The following XPA variants were observed in gnomAD, a reference collection of about 807,000 sequenced individuals.
XPA encodes XPA, DNA damage recognition and repair factor, also known as DNA repair protein complementing XP-A cells.
Under a neutral mutation model 35.7 loss-of-function variants are expected in XPA, and 27 were observed. The observed-to-expected ratio is 0.76, with a 90% CI of 0.56 to 1.04. XPA has a LOEUF of 1.04. Among genes scored for constraint, XPA ranks in the 50% least tolerant of loss-of-function variants. XPA has a pLI of 0.00. For missense variants in XPA, 354 were observed against 342.7 expected, an observed-to-expected ratio of 1.03 and a Z score of -0.26; for synonymous variants, 133 against 118.4, an observed-to-expected ratio of 1.12 and a Z score of -0.80.
chr9:97,668,661 C>CA, the XPA span, among the ~76,000 whole-genome samples: 3 of 151,976 alleles, frequency 2.0e-5, no homozygotes, highest in South Asian at 6.2e-4. Context: ...AATGAGAAGA[C>CA]AGTGTCTCTG....
At chr9:97,686,391 GCT>G (rs371525789) in intron 4 of XPA, among the ~76,000 whole-genome samples, 21 of 152,310 alleles carry the variant, frequency 1.4e-4, no homozygotes, top group South Asian at 2.1e-4. Flanking sequence ...GAGACGATCT[GCT>G]CTGAGATTAT....
intron 2 of XPA, among the ~76,000 whole-genome samples, chr9:97,691,176 T>C (rs898512365): frequency 2.0e-5 from 3 of 152,016 alleles, no homozygotes; most frequent in Non-Finnish European, 4.4e-5. Flanking sequence ...TGGAAAAAAA[T>C]TTTGTCTCCC....
the XPA span, among the ~76,000 whole-genome samples, chr9:97,657,233 T>C: frequency 1.3e-5 from 2 of 152,230 alleles, no homozygotes; most frequent in Non-Finnish European, 2.9e-5. Context: ...CCCAAAGTGC[T>C]GAGATTACAG....
chr9:97,680,992 A>G (rs915733079), intron 5 of XPA, among the ~76,000 whole-genome samples: 3 of 152,244 alleles, frequency 2.0e-5, no homozygotes, highest in African/African-American at 7.2e-5. Context: ...CCTTTCATGG[A>G]AATTTATAAC....
the XPA span, chr9:97,664,241 T>C: frequency 1.5e-6 from 1 of 685,244 alleles, no homozygotes; most frequent in Non-Finnish European, 2.4e-6. Context: ...CTAAATTTTA[T>C]AGCCCTCCTA....
chr9:97,665,387 A>G, the XPA span, among the ~76,000 whole-genome samples: 1 of 152,228 alleles, frequency 6.6e-6, no homozygotes, highest in Non-Finnish European at 1.5e-5. Flanking sequence ...ATTATTGTCC[A>G]CATTTTACAG....
the XPA span, chr9:97,669,523 T>C: frequency 9.5e-7 from 1 of 1,057,198 alleles, no homozygotes; most frequent in South Asian, 1.3e-5. Context: ...GGGGTTTCTT[T>C]GTCATGAATT....
At chr9:97,696,434 T>C (rs577233800) in intron 1 of XPA, among the ~76,000 whole-genome samples, 2 of 152,344 alleles carry the variant, frequency 1.3e-5, no homozygotes, top group African/African-American at 4.8e-5. Flanking sequence ...TTTGAGCAAC[T>C]AGTTTTTGCC....
intron 5 of XPA, among the ~76,000 whole-genome samples, chr9:97,683,761 G>C (rs3176700): frequency 0.014 from 2,129 of 152,218 alleles, 102 homozygotes; most frequent in East Asian, 0.13. Context: ...TCCTCACAAT[G>C]AGAAGGATTA....
rs149921914 is a variant in XPA at position 97,675,666 on chromosome 9, A to G, written c.674-79T>C. The G allele has an allele frequency of 1.0e-3, 1,529 of 1,536,562 alleles. 13 individuals carry two copies. In the African/African-American group the frequency reaches 0.019, roughly 19 times the overall value. ...AAAAATCCAACTCCATCAAGCTTTC[A>G]GCCATGTACATGTGTGTGTGTCTAT... On this transcript the variant is annotated intron_variant, in intron 5 of 5. Coordinates refer to ENST00000375128, the MANE Select transcript of XPA (RefSeq NM_000380.4).
At position 97,696,771 on chromosome 9, in the gene XPA, C is replaced by T. The variant is rs10983346; in HGVS notation, c.172+350G>A. ...CAAGAACTAGTCTAACTCCTCTTTC[C>T]GGGACAGCTGAGGCCCTGACACCTG... On this transcript the variant is annotated intron_variant, in intron 1 of 5. Transcript: ENST00000375128. Among the ~76,000 whole-genome samples, 815 of 152,294 alleles carry T rather than the reference C, an allele frequency of 5.4e-3. 4 individuals are homozygous for T. Among genetic ancestry groups the T allele is most frequent in the Non-Finnish European group, 9.3e-3 (632 of 68,020 alleles).
At chr9:97,685,401 T>A (rs1446080644) in intron 4 of XPA, among the ~76,000 whole-genome samples, 1 of 152,196 alleles carries the variant, frequency 6.6e-6, no homozygotes, top group Non-Finnish European at 1.5e-5. Context: ...GACCTAAATA[T>A]GAGGTCATCT....
chr9:97,689,669 CTTTTT>C (rs776982282), intron 2 of XPA, 30 bp from the exon 3 acceptor site: 2 of 1,340,380 alleles, frequency 1.5e-6, no homozygotes, highest in Non-Finnish European at 2.1e-6. Context: ...CTCTAGTTTC[CTTTTT>C]TATGACTAGA....
At chr9:97,695,298 G>A (rs1054731851) in intron 1 of XPA, among the ~76,000 whole-genome samples, 2 of 152,178 alleles carry the variant, frequency 1.3e-5, no homozygotes, top group Admixed American at 6.5e-5. Context: ...TCTATTAAAT[G>A]AAAGGATTAG....
At chr9:97,681,260 CAGTA>C (rs1828528936) in intron 5 of XPA, among the ~76,000 whole-genome samples, 1 of 152,060 alleles carries the variant, frequency 6.6e-6, no homozygotes, top group African/African-American at 2.4e-5. Context: ...TATGGTAGGA[CAGTA>C]AGTATTGACT....
chr9:97,673,832 C>A (rs1314742532), downstream of XPA: 1 of 152,146 alleles, frequency 6.6e-6, no homozygotes, highest in African/African-American at 2.4e-5. Context: ...GCAGGTTTAG[C>A]TGTTAGTGAT....
intron 1 of XPA, among the ~76,000 whole-genome samples, chr9:97,694,065 A>G (rs1371885328): frequency 3.9e-5 from 6 of 152,270 alleles, no homozygotes; most frequent in African/African-American, 1.4e-4. Context: ...CTAGGAAGAG[A>G]TGTGTACAAC....
downstream of XPA, among the ~76,000 whole-genome samples, chr9:97,670,283 C>T (rs1828149110): frequency 6.6e-6 from 1 of 152,124 alleles, no homozygotes; most frequent in Admixed American, 6.6e-5. Flanking sequence ...ACAAAAATAT[C>T]AAGAGGACAG....
chr9:97,669,487 A>G, the XPA span: 1 of 715,504 alleles, frequency 1.4e-6, no homozygotes, highest in Non-Finnish European at 2.4e-6. Flanking sequence ...CACACCACAA[A>G]GACAGGGTGG....
Sources: allele counts gnomAD v4.1 joint callset (sites outside exome capture counted in the v4.1 genomes callset), GRCh38; gene constraint gnomAD v4.1.1; transcripts MANE v1.5; gene names NCBI Gene and HGNC (gene_info 2026-07-23, HGNC 2026-07-21).